The following GRXCR1 variants were observed in gnomAD, a reference collection of about 807,000 sequenced individuals.
GRXCR1 encodes the protein glutaredoxin domain-containing cysteine-rich protein 1.
Under a neutral mutation model 27.3 loss-of-function variants are expected in GRXCR1, and 27 were observed. The observed-to-expected ratio is 0.99, with a 90% CI of 0.73 to 1.37. The LOEUF is 1.37. Ranked by LOEUF, GRXCR1 falls within the 40% of genes most tolerant of loss-of-function variation. GRXCR1 has a pLI of 0.00. For missense variants in GRXCR1, 379 were observed against 354.4 expected (o/e 1.07, Z -0.56); for synonymous variants, 122 against 131.1 (o/e 0.93, Z 0.47).
At chr4:42,981,554 G>T (rs1748670071) in intron 2 of GRXCR1, among the ~76,000 whole-genome samples, 1 of 152,100 alleles carries the variant, frequency 6.6e-6, no homozygotes, top group African/African-American at 2.4e-5. Flanking sequence ...AGATGTCTTT[G>T]TGTTACTCAT....
intron 3 of GRXCR1, among the ~76,000 whole-genome samples, chr4:43,024,108 G>C (rs1468567244): frequency 6.7e-6 from 1 of 150,236 alleles, no homozygotes; most frequent in Non-Finnish European, 1.5e-5. Flanking sequence ...CTCCAAGTAA[G>C]CTTTGCCTTG....
At chr4:42,930,906 T>C (rs896371761) in intron 1 of GRXCR1, among the ~76,000 whole-genome samples, 14 of 151,988 alleles carry the variant, frequency 9.2e-5, no homozygotes, top group African/African-American at 3.4e-4. Context: ...GTAAATTTTC[T>C]TGCTAATGTA....
chr4:43,030,020 C>T (rs979588529), intron 3 of GRXCR1, among the ~76,000 whole-genome samples: 29 of 152,096 alleles, frequency 1.9e-4, no homozygotes, highest in African/African-American at 6.8e-4. Context: ...AAAGTATTTT[C>T]CCTTAATACA....
chr4:42,950,904 T>C (rs573512007), intron 1 of GRXCR1, among the ~76,000 whole-genome samples: 54 of 152,138 alleles, frequency 3.5e-4, no homozygotes, highest in Non-Finnish European at 6.5e-4. Flanking sequence ...TATATGTCTA[T>C]ATTTATGTCT....
chr4:42,981,339 G>A (rs1052430596), intron 2 of GRXCR1, among the ~76,000 whole-genome samples: 5 of 151,824 alleles, frequency 3.3e-5, no homozygotes, highest in Non-Finnish European at 7.4e-5. Context: ...ACTCCACAAT[G>A]TGCCCCCCCA....
At chr4:43,028,369 G>A (rs953099595) in intron 3 of GRXCR1, among the ~76,000 whole-genome samples, 9 of 152,072 alleles carry the variant, frequency 5.9e-5, no homozygotes, top group East Asian at 1.9e-4. Flanking sequence ...TTAACTGAGC[G>A]TCCTGTATTT....
In GRXCR1 at chr4:42,963,075, C is replaced by T. The variant is rs773562995; in HGVS notation, c.568C>T (p.Arg190Ter). The change falls in exon 2 of 4, where the codon CGA (arginine) becomes TGA (stop). Residue 190 changes from arginine to a stop codon, truncating the protein, a stop_gained. Coordinates refer to ENST00000399770, the MANE Select transcript of GRXCR1 (RefSeq NM_001080476.3). LOFTEE classifies it high-confidence loss of function. ...EYGKELDERC[R>*]RVSEAPSLPV... ...TGGAAAAGAGTTAGACGAACGATGC[C>T]GACGAGTTTCTGAAGCTCCTTCCCT... 8.1e-6 allele frequency: 13 copies of T among 1,612,552 alleles called. No individual in the cohort carries two copies. Among genetic ancestry groups the T allele is most frequent in the South Asian group, 1.1e-5 (1 of 91,064 alleles).
chr4:42,997,493 C>T (rs534779520), intron 2 of GRXCR1, among the ~76,000 whole-genome samples: 2 of 152,214 alleles, frequency 1.3e-5, no homozygotes, highest in African/African-American at 4.8e-5. Context: ...ACATCTGGGA[C>T]CTTGCTAACA....
chr4:42,979,435 T>C (rs1748599785), intron 2 of GRXCR1, among the ~76,000 whole-genome samples: 1 of 152,102 alleles, frequency 6.6e-6, no homozygotes, highest in African/African-American at 2.4e-5. Flanking sequence ...TCTATTGAAA[T>C]GATAATATAT....
At position 42,987,241 on chromosome 4, in the gene GRXCR1, A is replaced by ATATTATAT. The variant is rs1276367661; in HGVS notation, c.627+24107_627+24108insTATTATAT. Reference sequence around the variant, plus strand: ...TATATATTATATATTATATATATATAATATATAATATATATATATAATATA... The same window carrying ATATTATAT: ...TATATATTATATATTATATATATATATATTATATATATATAATATATATATATAATATA... On this transcript the variant is annotated intron_variant, in intron 2 of 3. Coordinates refer to ENST00000399770, the MANE Select transcript of GRXCR1 (RefSeq NM_001080476.3). Among the ~76,000 whole-genome samples the ATATTATAT allele has an allele frequency of 1.5e-3, 99 of 66,428 alleles. 1 individual carries two copies. Among genetic ancestry groups the ATATTATAT allele is most frequent in the Admixed American group, 3.6e-3 (17 of 4,672 alleles). 43.6% of individuals were successfully genotyped at this position (66,428 alleles called of 152,430 possible). A position where few individuals can be genotyped will look rare whatever the true frequency, so the allele number is the denominator to read the frequency against.
At chr4:42,910,873 CT>C (rs1371010859) in intron 1 of GRXCR1, among the ~76,000 whole-genome samples, 1 of 152,060 alleles carries the variant, frequency 6.6e-6, no homozygotes, top group African/African-American at 2.4e-5. Context: ...AATGCTGCCA[CT>C]TTTTTTCTCT....
intron 3 of GRXCR1, among the ~76,000 whole-genome samples, chr4:43,024,520 A>G (rs963545958): frequency 6.6e-6 from 1 of 152,146 alleles, no homozygotes; most frequent in African/African-American, 2.4e-5. Flanking sequence ...TTTCTCTGAA[A>G]TAAAAACATC....
At chr4:42,902,581 A>G (rs1269069865) in intron 1 of GRXCR1, among the ~76,000 whole-genome samples, 1 of 152,160 alleles carries the variant, frequency 6.6e-6, no homozygotes. Context: ...ATAGTGCTGC[A>G]ATGAACATAC....
chr4:42,971,635 GAAC>G (rs1464285273), intron 2 of GRXCR1, among the ~76,000 whole-genome samples: 1 of 151,998 alleles, frequency 6.6e-6, no homozygotes, highest in Non-Finnish European at 1.5e-5. Context: ...ACTGTCATGA[GAAC>G]AACAAGGGGA....
intron 1 of GRXCR1, 92 bp from the exon 2 acceptor site, chr4:42,962,800 C>T (rs887982567): frequency 1.4e-5 from 20 of 1,433,844 alleles, no homozygotes; most frequent in Non-Finnish European, 1.8e-5. Context: ...AATTTTATTG[C>T]ATGGCTTTAA....
intron 2 of GRXCR1, among the ~76,000 whole-genome samples, chr4:42,977,749 A>G (rs1177843004): frequency 6.6e-6 from 1 of 152,008 alleles, no homozygotes; most frequent in African/African-American, 2.4e-5. Context: ...CTCCCATTCA[A>G]CAGGTTGTCC....
intron 2 of GRXCR1, among the ~76,000 whole-genome samples, chr4:43,001,187 T>C (rs1182925024): frequency 6.6e-6 from 1 of 151,996 alleles, no homozygotes; most frequent in Non-Finnish European, 1.5e-5. Flanking sequence ...ACACTGTCCA[T>C]TTTTCCCCCC....
At chr4:42,895,709 C>T (rs1193018051) in intron 1 of GRXCR1, among the ~76,000 whole-genome samples, 3 of 152,056 alleles carry the variant, frequency 2.0e-5, no homozygotes, top group Non-Finnish European at 4.4e-5. Context: ...GGATGCTTGC[C>T]ACACTTTTTA....
In GRXCR1 at chr4:42,987,002, A is replaced by ATGTGTGTGTG. The variant is rs36224914; in HGVS notation, c.627+23890_627+23899dup. 4.6e-3 allele frequency among the ~76,000 whole-genome samples: 642 copies of ATGTGTGTGTG among 140,872 alleles called. 1 individual carries two copies. Among genetic ancestry groups the ATGTGTGTGTG allele is most frequent in the East Asian group, 0.01 (49 of 4,776 alleles). 92.4% of individuals were successfully genotyped at this position (140,872 alleles called of 152,430 possible). ...GGCTCAAAATTTAAGAGATATGTGTATGTGTGTGTGTGTGTGTGTGTGTGT... is the reference window on the plus strand; with the variant it reads ...GGCTCAAAATTTAAGAGATATGTGTATGTGTGTGTGTGTGTGTGTGTGTGTGTGTGTGTGT... On this transcript the variant is annotated intron_variant, in intron 2 of 3. Coordinates refer to ENST00000399770, the MANE Select transcript of GRXCR1 (RefSeq NM_001080476.3).
Sources: allele counts gnomAD v4.1 joint callset (sites outside exome capture counted in the v4.1 genomes callset), GRCh38; gene constraint gnomAD v4.1.1; transcripts MANE v1.5; gene names NCBI Gene and HGNC (gene_info 2026-07-23, HGNC 2026-07-21).